Variants in WDR47 observed in about 807,000 individuals in gnomAD.
WDR47 encodes WD repeat-containing protein 47.
In WDR47, 32 loss-of-function variants were observed where a neutral mutation model predicts 97.2. That is an observed-to-expected ratio of 0.33 (90% CI 0.25 to 0.44). The LOEUF is 0.44. Ranked by LOEUF, WDR47 falls within the 20% of genes least tolerant of loss-of-function variation. The probability of loss-of-function intolerance (pLI) is 1.00; values close to 1 mark genes in which losing one functional copy is unlikely to be tolerated. For missense variants in WDR47, 782 were observed against 1,102.3 expected, an observed-to-expected ratio of 0.71 and a Z score of 4.11; for synonymous variants, 375 against 373.5, an observed-to-expected ratio of 1.00 and a Z score of -0.05.
intron 5 of WDR47, among the ~76,000 whole-genome samples, chr1:109,008,051 G>A (rs1266511999): frequency 1.3e-5 from 2 of 151,260 alleles, no homozygotes; most frequent in African/African-American, 2.4e-5. Flanking sequence ...GCAGTGAGCC[G>A]AGATCACGCC....
intron 1 of WDR47, among the ~76,000 whole-genome samples, chr1:109,040,781 C>T (rs1471011960): frequency 4.6e-5 from 7 of 152,002 alleles, no homozygotes; most frequent in African/African-American, 1.7e-4. Flanking sequence ...AGTAAAATGC[C>T]AATGCAACAT....
intron 6 of WDR47, 81 bp from the exon 7 acceptor site, chr1:109,002,483 G>T: frequency 9.1e-7 from 1 of 1,095,676 alleles, no homozygotes. Context: ...TATAAATGCT[G>T]AATAAAATAT....
chr1:109,036,133 T>C (rs752769148), intron 1 of WDR47, among the ~76,000 whole-genome samples: 10 of 152,158 alleles, frequency 6.6e-5, no homozygotes, highest in Non-Finnish European at 1.5e-4. Context: ...TTGTTTACAA[T>C]GCAAAAACTA....
Position 109,042,076 on chromosome 1 carries a change from T to G in WDR47, c.-224A>C, listed in dbSNP as rs1663415060. On this transcript the variant is annotated 5_prime_UTR_variant, in exon 1 of 15. Transcript: ENST00000369962. ...CGTCCGCCCCTCCCGGCCCAGCGAC[T>G]CCTCAGCTCAGCCTCTTGCAGACTG... The G allele has an allele frequency of 6.6e-6, 1 of 152,406 alleles. No homozygotes were observed. The highest frequency in any genetic ancestry group is 2.1e-4 in the South Asian group (1 of 4,832). 9.4% of individuals were successfully genotyped at this position (152,406 alleles called of 1,614,324 possible).
chr1:109,000,147 G>T (rs557090823), intron 7 of WDR47, among the ~76,000 whole-genome samples: 3 of 151,930 alleles, frequency 2.0e-5, no homozygotes, highest in African/African-American at 7.3e-5. Context: ...GGAGTTCAAG[G>T]TTACAGTGAG....
Position 109,011,407 on chromosome 1 carries a change from A to C in WDR47, c.639T>G (p.Ser213Arg). The change falls in exon 5 of 15, where the codon AGT becomes AGG. Residue 213 changes from serine (S) to arginine (R), a missense_variant. By Grantham distance (110) the Ser-to-Arg change is moderately radical. Transcript: ENST00000369962. ...CTGTAATTTCTTCTCCAGTTGCTTT[A>C]CTCTGACAAAATTCTACACAGCATT... is the stretch of plus-strand genomic sequence containing the variant. ...LYECCVEFCQSKATGEEITES... is the reference protein window; with the variant it reads ...LYECCVEFCQRKATGEEITES... 6.2e-7 allele frequency: 1 copy of C among 1,614,140 alleles called. No individual in the cohort carries two copies. The highest frequency in any genetic ancestry group is 8.5e-7 in the Non-Finnish European group (1 of 1,180,034).
chr1:109,023,489 A>T lies in WDR47; in HGVS notation c.24T>A (p.Asn8Lys). ...GCTTAATGATTTCAACCTCTTTTAC[A>T]TTCACTGTTTCTTCAGCCGTCATAT... MTAEETV[N>K]VKEVEIIKLI... The change falls in exon 2 of 15, where the codon AAT becomes AAA. Residue 8 changes from asparagine to lysine, a missense_variant. Physicochemically the swap from Asn to Lys is moderately conservative, Grantham distance 94. Transcript: ENST00000369962. 1 of 1,613,318 alleles carries T rather than the reference A, an allele frequency of 6.2e-7. No homozygotes were observed. Among genetic ancestry groups the T allele is most frequent in the Non-Finnish European group, 8.5e-7 (1 of 1,179,544 alleles).
intron 13 of WDR47, among the ~76,000 whole-genome samples, chr1:108,975,846 T>C (rs1453444397): frequency 1.3e-5 from 2 of 152,114 alleles, no homozygotes; most frequent in Admixed American, 6.6e-5. Flanking sequence ...TAATAAAGAA[T>C]AATCTTTTCT....
At chr1:109,033,312 CAAAA>C (rs894588876) in intron 1 of WDR47, among the ~76,000 whole-genome samples, 7 of 151,110 alleles carry the variant, frequency 4.6e-5, no homozygotes, top group African/African-American at 1.7e-4. Flanking sequence ...AAAACAAAAA[CAAAA>C]AAAAGCTAAA....
intron 7 of WDR47, among the ~76,000 whole-genome samples, chr1:109,001,306 T>C (rs1660168479): frequency 1.3e-5 from 2 of 151,728 alleles, no homozygotes; most frequent in South Asian, 2.1e-4. Flanking sequence ...AATAAATCAA[T>C]AAATTAATTA....
chr1:109,020,389 T>C (rs994307731), intron 2 of WDR47, among the ~76,000 whole-genome samples: 1 of 151,738 alleles, frequency 6.6e-6, no homozygotes, highest in African/African-American at 2.4e-5. Context: ...GCCTCCCAAG[T>C]AGCTAGGACT....
At chr1:108,997,962 ATTGT>A (rs925108133) in intron 7 of WDR47, among the ~76,000 whole-genome samples, 1 of 152,084 alleles carries the variant, frequency 6.6e-6, no homozygotes, top group Non-Finnish European at 1.5e-5. Context: ...TACATTAAAC[ATTGT>A]TTATTTATAT....
chr1:109,015,392 C>T (rs1220778059), intron 3 of WDR47, among the ~76,000 whole-genome samples: 1 of 152,098 alleles, frequency 6.6e-6, no homozygotes, highest in African/African-American at 2.4e-5. Context: ...GGCACGATCT[C>T]GGCTCACTGC....
intron 1 of WDR47, among the ~76,000 whole-genome samples, chr1:109,025,935 C>T (rs1332071746): frequency 3.3e-5 from 5 of 152,126 alleles, no homozygotes; most frequent in African/African-American, 9.7e-5. Context: ...TACCCAACTC[C>T]GCATGCTTTA....
chr1:109,026,347 A>G (rs1021825570), intron 1 of WDR47, among the ~76,000 whole-genome samples: 1 of 21,918 alleles, frequency 4.6e-5, no homozygotes, highest in African/African-American at 1.4e-4. Flanking sequence ...CACCGTGCCC[A>G]CCTTTTTTTT....
rs757484081 is a variant in WDR47 at position 109,002,258 on chromosome 1, G to C, written c.1399C>G (p.Gln467Glu). The part of the protein sequence containing the change: ...GGVNQEDGPD[Q>E]QQNLTEQFLN... ...AACTGTTCAGTAAGATTCTGCTGCT[G>C]ATCAGGACCATCCTCCTGATTCACG... The change falls in exon 7 of 15, where the codon CAG becomes GAG. Residue 467 changes from glutamine (Q) to glutamate (E), a missense_variant. Around this residue, in one of 3 missense-constraint regions of WDR47, gnomAD observed 428 missense variants for 584.3 expected, o/e 0.73. Transcript: ENST00000369962. 6.2e-7 allele frequency: 1 copy of C among 1,609,310 alleles called. No homozygotes were observed. The highest frequency in any genetic ancestry group is 1.1e-5 in the South Asian group (1 of 90,160).
chr1:109,017,598 C>T lies in WDR47; in HGVS notation c.162G>A (p.Gln54=). The change falls in exon 3 of 15, where the codon CAG becomes CAA. Residue 54 remains glutamine, a synonymous_variant. Transcript: ENST00000369962. ...LFSDDMLFLR[Q]LILDGQWDEV... is the part of the protein sequence containing the mutation. ...CATCCCATTGACCATCAAGTATTAG[C>T]TGCCTAAATAAAAAATTTAAAAAAA... 6.2e-7 allele frequency: 1 copy of T among 1,606,368 alleles called. No homozygotes were observed. The highest frequency in any genetic ancestry group is 8.5e-7 in the Non-Finnish European group (1 of 1,178,270).
At position 109,011,445 on chromosome 1, in the gene WDR47, C is replaced by T. The variant is rs1661031296; in HGVS notation, c.601G>A (p.Gly201Ser). The change falls in exon 5 of 15, where the codon GGC becomes AGC. Residue 201 changes from glycine (G) to serine (S), a missense_variant. By Grantham distance (56) the Gly-to-Ser change is moderately conservative (BLOSUM62 0). Around this residue, in one of 3 missense-constraint regions of WDR47, gnomAD observed 428 missense variants for 584.3 expected, o/e 0.73. Coordinates refer to ENST00000369962, the MANE Select transcript of WDR47 (RefSeq NM_001142551.2). Reference sequence around the variant, plus strand: ...TCTACACAGCATTCATAAAGCAGGCCTTTCATTACAAGCTGAAATAAACGA... The same window carrying T: ...TCTACACAGCATTCATAAAGCAGGCTTTTCATTACAAGCTGAAATAAACGA... Reference protein sequence around the residue: ...NNRLFQLVMKGLLYECCVEFC... With the variant: ...NNRLFQLVMKSLLYECCVEFC... 1 of 1,614,152 alleles carries T rather than the reference C, an allele frequency of 6.2e-7. No homozygotes were observed. The highest frequency in any genetic ancestry group is 8.5e-7 in the Non-Finnish European group (1 of 1,180,032).
intron 7 of WDR47, among the ~76,000 whole-genome samples, chr1:108,998,707 C>A (rs1016210526): frequency 6.6e-6 from 1 of 152,012 alleles, no homozygotes; most frequent in Non-Finnish European, 1.5e-5. Context: ...TCAATAAGAT[C>A]TAATTGTGTA....
Sources: allele counts gnomAD v4.1 joint callset (sites outside exome capture counted in the v4.1 genomes callset), GRCh38; gene constraint gnomAD v4.1.1; regional missense constraint gnomAD v4.1.1; transcripts MANE v1.5; gene names NCBI Gene and HGNC (gene_info 2026-07-23, HGNC 2026-07-21).